The following YLPM1 variants were observed in gnomAD, a reference collection of about 807,000 sequenced individuals.
YLPM1 encodes YLP motif-containing protein 1.
Under a neutral mutation model 230.0 loss-of-function variants are expected in YLPM1, and 99 were observed. The ratio of observed to expected loss-of-function variants is 0.43; its 90% CI spans 0.37 to 0.51. The LOEUF is 0.51. YLPM1 is among the 20% of genes least tolerant of loss of function. The pLI is 0.00. For missense variants in YLPM1, 2,592 were observed against 2,707.7 expected (o/e 0.96, Z 0.95); for synonymous variants, 984 against 942.5 (o/e 1.04, Z -0.81).
rs1333171773 is a variant in YLPM1 at position 74,811,629 on chromosome 14, A to T, written c.5238A>T (p.Ser1746=). 2 of 1,609,538 alleles carry T rather than the reference A, an allele frequency of 1.2e-6. No individual in the cohort carries two copies. The highest frequency in any genetic ancestry group is 1.7e-5 in the Admixed American group (1 of 58,514). The part of the protein sequence containing the change: ...ERRPRDDRAQ[S]YRDKKDHSSS... ...CTATTACACCTTCTAGAGCTCAGTCATATCGAGACAAAAAAGACCATTCCT... is the reference window on the plus strand; with the variant it reads ...CTATTACACCTTCTAGAGCTCAGTCTTATCGAGACAAAAAAGACCATTCCT... Residue 1746 remains serine (S), a synonymous_variant, in exon 10 of 21, where the codon TCA becomes TCT. Transcript: ENST00000325680.
chr14:74,810,270 A>G lies in YLPM1; in HGVS notation c.5078A>G (p.Glu1693Gly). ...RDRYDRERDR[E>G]PYFDRQSNVI... ...CGTTATGATAGAGAAAGAGATCGTG[A>G]GCCTTATTTTGATCGTCAAAGTAAT... The change falls in exon 9 of 21, where the codon GAG becomes GGG. Residue 1693 changes from glutamate (E) to glycine (G), a missense_variant. Glu to Gly is a moderately conservative substitution (Grantham distance 98). This residue lies in a region of YLPM1 where 403 missense variants were observed against 426.7 expected (regional missense o/e 0.94). Transcript: ENST00000325680. 1 of 1,613,956 alleles carries G rather than the reference A, an allele frequency of 6.2e-7. No individual in the cohort carries two copies. The highest frequency in any genetic ancestry group is 1.1e-5 in the South Asian group (1 of 91,082).
In YLPM1 at chr14:74,763,376, T is replaced by G; in HGVS notation, c.-114T>G. The G allele has an allele frequency of 3.0e-6, 4 of 1,312,838 alleles. No individual in the cohort carries two copies. The highest frequency in any genetic ancestry group is 4.0e-6 in the Non-Finnish European group (4 of 1,007,208). 81.3% of individuals were successfully genotyped at this position (1,312,838 alleles called of 1,614,324 possible). A position where few individuals can be genotyped will look rare whatever the true frequency, so the allele number is the denominator to read the frequency against. ...GCACTGGCGCGCTCCGTTTACACGC[T>G]CCGGGGCCTGTAGGCGCCGCGAGTT... is the stretch of plus-strand genomic sequence containing the variant. On this transcript the variant is annotated 5_prime_UTR_variant, in exon 1 of 21. Coordinates refer to ENST00000325680, the MANE Select transcript of YLPM1 (RefSeq NM_019589.3).
intron 1 of YLPM1, among the ~76,000 whole-genome samples, chr14:74,774,732 C>T (rs1475836075): frequency 1.3e-5 from 2 of 150,840 alleles, no homozygotes; most frequent in Non-Finnish European, 3.0e-5. Context: ...TTTGTAGAGA[C>T]GGGGTTTCAC....
chr14:74,780,244 GATAGA>G (rs1201816636), intron 2 of YLPM1, among the ~76,000 whole-genome samples, 156 bp from the exon 3 acceptor site: 7 of 152,296 alleles, frequency 4.6e-5, no homozygotes, highest in African/African-American at 1.7e-4. Flanking sequence ...TTTATCTAAA[GATAGA>G]ATAGCTGTTC....
rs745389913 is a variant in YLPM1, at chr14:74,799,662, C to T, written c.4365C>T (p.Ile1455=). ...TTCTCAGTCAGAGGCAGCATGAAAT[C>T]ATTTTGAAAGCTGCACAAGAACTGA... ...VMVLSQRQHE[I]ILKAAQELKM... The change falls in exon 5 of 21, where the codon ATC becomes ATT. Residue 1455 remains isoleucine (I), a synonymous_variant. Transcript: ENST00000325680. The T allele has an allele frequency of 4.0e-5, 64 of 1,611,776 alleles. No homozygotes were observed. The highest frequency in any genetic ancestry group is 3.3e-5 in the Admixed American group (2 of 59,900).
Position 74,763,760 on chromosome 14 carries a change from G to C in YLPM1, c.271G>C (p.Val91Leu). ...LPPPPLPPPP[V>L]MPGGGYGDWQ... ...TCCGCCCCCTCTGCCGCCCCCGCCA[G>C]TGATGCCGGGGGGCGGCTACGGAGA... Residue 91 changes from valine to leucine, a missense_variant, in exon 1 of 21, where the codon GTG (valine) becomes CTG (leucine). Val to Leu is a conservative substitution (Grantham distance 32). Transcript: ENST00000325680. 6.7e-7 allele frequency: 1 copy of C among 1,481,954 alleles called. No homozygotes were observed. The highest frequency in any genetic ancestry group is 9.0e-7 in the Non-Finnish European group (1 of 1,116,392). The allele number at this position is 1,481,954 out of a possible 1,614,324, so 91.8% of individuals were successfully genotyped here.
chr14:74,815,144 C>T (rs920101449), intron 11 of YLPM1, among the ~76,000 whole-genome samples: 2 of 152,224 alleles, frequency 1.3e-5, no homozygotes, highest in African/African-American at 2.4e-5. Context: ...AAGTGACCCT[C>T]CTGCCTCAGC....
chr14:74,821,014 A>G (rs368626919), intron 16 of YLPM1, 43 bp from the exon 17 acceptor site: 9 of 1,431,492 alleles, frequency 6.3e-6, no homozygotes, highest in Middle Eastern at 1.8e-4. Context: ...ATTTTGCTAA[A>G]TGTTAACTCA....
intron 17 of YLPM1, among the ~76,000 whole-genome samples, chr14:74,822,721 A>C (rs769765522): frequency 6.6e-6 from 1 of 152,142 alleles, no homozygotes; most frequent in Non-Finnish European, 1.5e-5. Flanking sequence ...ATGTTAACCA[A>C]GGGTTAAGAG....
chr14:74,794,527 T>G (rs1202841167), intron 4 of YLPM1, among the ~76,000 whole-genome samples: 1 of 152,162 alleles, frequency 6.6e-6, no homozygotes. Flanking sequence ...AGGGAGATTT[T>G]CACACCTAAC....
At chr14:74,802,799 A>C in intron 6 of YLPM1, 123 bp downstream of exon 6, 1 of 1,265,692 alleles carries the variant, frequency 7.9e-7, no homozygotes, top group Non-Finnish European at 1.1e-6. Flanking sequence ...AATTTTGGAA[A>C]CTTAAAAGTT....
chr14:74,830,532 A>G (rs552997493), intron 19 of YLPM1, among the ~76,000 whole-genome samples: 1 of 152,310 alleles, frequency 6.6e-6, no homozygotes, highest in Non-Finnish European at 1.5e-5. Context: ...TGGTTGTACA[A>G]TCAGTTATTT....
At chr14:74,816,331 T>C (rs1194765339) in intron 12 of YLPM1, 66 bp downstream of exon 12, 6 of 1,507,290 alleles carry the variant, frequency 4.0e-6, no homozygotes, top group Non-Finnish European at 5.5e-6. Context: ...CTTGCCTTCT[T>C]ATTAATAGCA....
intron 4 of YLPM1, 132 bp downstream of exon 4, chr14:74,782,457 G>A: frequency 1.8e-6 from 2 of 1,085,224 alleles, no homozygotes; most frequent in Non-Finnish European, 2.5e-6. Flanking sequence ...TTGTCTGCTT[G>A]TTAAGACATC....
At chr14:74,773,711 CTT>C (rs766885242) in intron 1 of YLPM1, among the ~76,000 whole-genome samples, 120 of 60,558 alleles carry the variant, frequency 2.0e-3, no homozygotes, top group African/African-American at 7.8e-3. Flanking sequence ...TGTTTTCTTT[CTT>C]TTTTTTTTTT....
At chr14:74,818,750 C>A (rs2091498445) in intron 16 of YLPM1, among the ~76,000 whole-genome samples, 1 of 152,058 alleles carries the variant, frequency 6.6e-6, no homozygotes, top group South Asian at 2.1e-4. Flanking sequence ...TCACATTTTA[C>A]CAGTTGTCCC....
At chr14:74,826,461 A>G (rs2091563537) in intron 18 of YLPM1, among the ~76,000 whole-genome samples, 1 of 152,180 alleles carries the variant, frequency 6.6e-6, no homozygotes, top group South Asian at 2.1e-4. Context: ...ACTGGGTGGA[A>G]ATGTATTAAG....
In YLPM1 at chr14:74,782,098, C is replaced by T. The variant is rs1468241378; in HGVS notation, c.2055C>T (p.Tyr685=). 6.2e-7 allele frequency: 1 copy of T among 1,614,032 alleles called. No homozygotes were observed. ...VSFGSAPPTT[Y]HPPLQSAGPS... ...TTGGTTCTGCCCCACCGACAACTTACCATCCTCCGTTGCAATCAGCTGGTC... is the reference window on the plus strand; with the variant it reads ...TTGGTTCTGCCCCACCGACAACTTATCATCCTCCGTTGCAATCAGCTGGTC... Residue 685 remains tyrosine (Y), a synonymous_variant, in exon 4 of 21, where the codon TAC becomes TAT. Transcript: ENST00000325680.
Position 74,778,655 on chromosome 14 carries a change from C to T in YLPM1, c.1082C>T (p.Pro361Leu), listed in dbSNP as rs1160743099. 5.7e-6 allele frequency: 9 copies of T among 1,578,520 alleles called. No homozygotes were observed. In the East Asian group the frequency reaches 7.1e-5, roughly 12 times the overall value. Residue 361 changes from proline (P) to leucine (L), a missense_variant, in exon 2 of 21, where the codon CCA becomes CTA. This residue lies in a region of YLPM1 where 1,862 missense variants were observed against 1,819.8 expected (regional missense o/e 1.02). Coordinates refer to ENST00000325680, the MANE Select transcript of YLPM1 (RefSeq NM_019589.3). ...PPLPPPNEEV[P>L]PPLPPEEPQS... is the part of the protein sequence containing the mutation. Reference sequence around the variant, plus strand: ...TTGCCACCTCCAAATGAGGAAGTGCCACCTCCTCTCCCACCTGAGGAACCC... The same window carrying T: ...TTGCCACCTCCAAATGAGGAAGTGCTACCTCCTCTCCCACCTGAGGAACCC...
Sources: allele counts gnomAD v4.1 joint callset (sites outside exome capture counted in the v4.1 genomes callset), GRCh38; gene constraint gnomAD v4.1.1; regional missense constraint gnomAD v4.1.1; transcripts MANE v1.5; gene names NCBI Gene and HGNC (gene_info 2026-07-23, HGNC 2026-07-21).